The following MAML2 variants were observed in gnomAD, a reference collection of about 807,000 sequenced individuals.
MAML2 encodes mastermind like transcriptional coactivator 2, also known as mastermind-like protein 2.
In MAML2, 22 loss-of-function variants were observed where a neutral mutation model predicts 96.1. That is an observed-to-expected ratio of 0.23 (90% CI 0.16 to 0.33). MAML2 has a LOEUF of 0.33. MAML2 is among the 10% of genes least tolerant of loss of function. The pLI, the probability that MAML2 is intolerant of heterozygous loss-of-function variation, is 1.00. For missense variants in MAML2, 1,367 were observed against 1,392.4 expected, an observed-to-expected ratio of 0.98 and a Z score of 0.29; for synonymous variants, 561 against 521.3, an observed-to-expected ratio of 1.08 and a Z score of -1.04.
intron 4 of MAML2, among the ~76,000 whole-genome samples, chr11:95,982,092 A>C (rs1857748715): frequency 6.6e-6 from 1 of 152,224 alleles, no homozygotes; most frequent in African/African-American, 2.4e-5. Context: ...ATTAAAATAA[A>C]AAATGATTTT....
intron 1 of MAML2, among the ~76,000 whole-genome samples, chr11:96,148,421 C>T (rs1348487934): frequency 1.3e-5 from 2 of 150,168 alleles, no homozygotes; most frequent in Non-Finnish European, 3.0e-5. Context: ...ATGGAGAAAA[C>T]ACAATAGAAG....
chr11:95,990,747 TTTG>T (rs1413479204), intron 3 of MAML2, among the ~76,000 whole-genome samples: 3 of 152,122 alleles, frequency 2.0e-5, no homozygotes, highest in Non-Finnish European at 4.4e-5. Flanking sequence ...ATTATTTGAT[TTTG>T]TTGTTATCTT....
chr11:96,265,259 A>T (rs1046425291), intron 1 of MAML2, among the ~76,000 whole-genome samples: 11 of 152,172 alleles, frequency 7.2e-5, no homozygotes, highest in Non-Finnish European at 1.3e-4. Context: ...ACGAGGGGAG[A>T]GTTGGCAGAG....
chr11:96,071,441 G>T (rs1859342939), intron 2 of MAML2, among the ~76,000 whole-genome samples: 1 of 152,264 alleles, frequency 6.6e-6, no homozygotes, highest in South Asian at 2.1e-4. Context: ...GTAGCTCCAG[G>T]CAGTATTGGC....
intron 2 of MAML2, among the ~76,000 whole-genome samples, chr11:96,056,130 G>A (rs545162437): frequency 6.3e-4 from 96 of 152,128 alleles, no homozygotes; most frequent in Non-Finnish European, 1.1e-3. Flanking sequence ...GTAATATAAA[G>A]GATGGAACCA....
At chr11:96,068,635 T>C (rs1859284745) in intron 2 of MAML2, among the ~76,000 whole-genome samples, 2 of 152,198 alleles carry the variant, frequency 1.3e-5, no homozygotes, top group South Asian at 2.1e-4. Flanking sequence ...GAGACCATCC[T>C]GGCTAACACG....
At chr11:96,075,239 G>A (rs1163549309) in intron 2 of MAML2, among the ~76,000 whole-genome samples, 1 of 152,062 alleles carries the variant, frequency 6.6e-6, no homozygotes, top group Non-Finnish European at 1.5e-5. Context: ...GTGCTATCCT[G>A]GTAGCAAACT....
At chr11:96,147,394 C>T (rs774977718) in intron 1 of MAML2, among the ~76,000 whole-genome samples, 90 of 152,280 alleles carry the variant, frequency 5.9e-4, no homozygotes, top group South Asian at 1.2e-3. Flanking sequence ...TTTTTTCATC[C>T]TTTATCCTTG....
At chr11:96,315,267 A>T (rs893459386) in intron 1 of MAML2, among the ~76,000 whole-genome samples, 4 of 152,336 alleles carry the variant, frequency 2.6e-5, no homozygotes, top group Middle Eastern at 3.4e-3. Context: ...TAATTTGTGG[A>T]AGGACATAGT....
chr11:96,237,583 C>A (rs765837332), intron 1 of MAML2, among the ~76,000 whole-genome samples: 15 of 152,090 alleles, frequency 9.9e-5, no homozygotes, highest in Non-Finnish European at 1.9e-4. Context: ...AGTGGACATC[C>A]AAAAAATATT....
rs778107186 is a variant in MAML2, at chr11:96,341,437, C to T, written c.459G>A (p.Glu153=). 1.4e-5 allele frequency: 22 copies of T among 1,549,500 alleles called. No homozygotes were observed. Among genetic ancestry groups the T allele is most frequent in the South Asian group, 3.6e-5 (3 of 83,760 alleles). ...NNGGSGGING[E]QQPPASTPGD... is the part of the protein sequence containing the mutation. Reference sequence around the variant, plus strand: ...CTGGGGTTGAAGCGGGCGGCTGCTGCTCTCCGTTTATCCCACCACTGCCAC... The same window carrying T: ...CTGGGGTTGAAGCGGGCGGCTGCTGTTCTCCGTTTATCCCACCACTGCCAC... The change falls in exon 1 of 5, where the codon GAG becomes GAA. Residue 153 remains glutamate (E), a synonymous_variant. Coordinates refer to ENST00000524717, the MANE Select transcript of MAML2 (RefSeq NM_032427.4).
intron 1 of MAML2, among the ~76,000 whole-genome samples, chr11:96,215,714 C>T (rs1404473089): frequency 6.6e-6 from 1 of 151,202 alleles, no homozygotes; most frequent in Non-Finnish European, 1.5e-5. Flanking sequence ...ACACCTGCAG[C>T]TGGGCAGAGC....
intron 1 of MAML2, among the ~76,000 whole-genome samples, chr11:96,105,559 C>T (rs1860008621): frequency 6.6e-6 from 1 of 152,176 alleles, no homozygotes; most frequent in Admixed American, 6.5e-5. Flanking sequence ...GGTAGTTTGG[C>T]AAAGTACCTG....
Position 96,328,954 on chromosome 11 carries a change from C to T in MAML2, c.513+12429G>A, listed in dbSNP as rs192353323. Reference sequence around the variant, plus strand: ...AGTGGTGACACATATAAAATCCCATCCATCAATCTGCACTTTTCAATTGTT... The same window carrying T: ...AGTGGTGACACATATAAAATCCCATTCATCAATCTGCACTTTTCAATTGTT... On this transcript the variant is annotated intron_variant, in intron 1 of 4. Transcript: ENST00000524717. Among the ~76,000 whole-genome samples, 183 of 152,222 alleles carry T rather than the reference C, an allele frequency of 1.2e-3. 1 individual carries two copies. The highest frequency in any genetic ancestry group is 4.2e-3 in the African/African-American group (176 of 41,528).
At chr11:96,193,588 A>G (rs973684615) in intron 1 of MAML2, among the ~76,000 whole-genome samples, 3 of 152,218 alleles carry the variant, frequency 2.0e-5, no homozygotes, top group African/African-American at 7.2e-5. Flanking sequence ...ATTCTGTGTG[A>G]TTCAAAAAGA....
intron 2 of MAML2, among the ~76,000 whole-genome samples, chr11:96,024,268 G>A (rs1858481363): frequency 1.3e-5 from 2 of 152,254 alleles, no homozygotes; most frequent in Admixed American, 6.5e-5. Flanking sequence ...TGGGCTTACA[G>A]CCCCAACTTC....
rs570773735 is a variant in MAML2, at chr11:96,255,698, C to T, written c.513+85685G>A. Among the ~76,000 whole-genome samples the T allele has an allele frequency of 4.1e-3, 623 of 152,164 alleles. 5 individuals are homozygous for T. The highest frequency in any genetic ancestry group is 0.014 in the Middle Eastern group (4 of 292). ...GGGCCATTGTGCCTGGGGCTGCAGC[C>T]GCCATTTCCAGATGAGGGAATGACA... On this transcript the variant is annotated intron_variant, in intron 1 of 4. Coordinates refer to ENST00000524717, the MANE Select transcript of MAML2 (RefSeq NM_032427.4).
chr11:96,089,901 C>T (rs919073287), intron 2 of MAML2, among the ~76,000 whole-genome samples: 10 of 50,566 alleles, frequency 2.0e-4, no homozygotes, highest in Admixed American at 3.1e-4. Context: ...ATGTCATATG[C>T]CCTAGGAGAA....
chr11:96,031,318 T>A (rs1858610023), intron 2 of MAML2, among the ~76,000 whole-genome samples: 1 of 149,940 alleles, frequency 6.7e-6, no homozygotes, highest in Non-Finnish European at 1.5e-5. Flanking sequence ...TAAGTGTTAT[T>A]ATTTCCATTT....
Sources: gnomAD v4.1 joint callset for allele counts (sites outside exome capture counted in the v4.1 genomes callset) on GRCh38, gnomAD v4.1.1 for gene constraint, MANE v1.5 for transcripts, NCBI Gene and HGNC (gene_info 2026-07-23, HGNC 2026-07-21) for gene names.